Variants in WNK2 observed in about 807,000 individuals in gnomAD.
WNK2 encodes the protein serine/threonine-protein kinase WNK2.
In WNK2, 67 loss-of-function variants were observed where a neutral mutation model predicts 192.1. The observed-to-expected ratio is 0.35, with a 90% CI of 0.29 to 0.43. WNK2 has a LOEUF of 0.43. Ranked by LOEUF, WNK2 falls within the 20% of genes least tolerant of loss-of-function variation. The pLI is 1.00. For missense variants in WNK2, 2,698 were observed against 3,089.7 expected, an observed-to-expected ratio of 0.87 and a Z score of 3.01; for synonymous variants, 1,439 against 1,393.9, an observed-to-expected ratio of 1.03 and a Z score of -0.72.
At chr9:93,206,597 G>T (rs1197572576) in intron 2 of WNK2, among the ~76,000 whole-genome samples, 1 of 152,050 alleles carries the variant, frequency 6.6e-6, no homozygotes, top group Non-Finnish European at 1.5e-5. Flanking sequence ...CTGCGTGACT[G>T]GGGGAGGTGG....
intron 2 of WNK2, among the ~76,000 whole-genome samples, chr9:93,208,634 A>T: frequency 1.6e-4 from 1 of 6,268 alleles, no homozygotes; most frequent in Non-Finnish European, 4.3e-4. Flanking sequence ...CGTGTTCTCC[A>T]TGTGCACATG....
At chr9:93,271,800 GTC>G (rs1375580769) in intron 19 of WNK2, among the ~76,000 whole-genome samples, 1 of 152,248 alleles carries the variant, frequency 6.6e-6, no homozygotes, top group Non-Finnish European at 1.5e-5. Context: ...AAAGACGTAA[GTC>G]TACAGATTCT....
At chr9:93,291,454 T>C (rs981183468) in intron 21 of WNK2, among the ~76,000 whole-genome samples, 1 of 151,590 alleles carries the variant, frequency 6.6e-6, no homozygotes, top group African/African-American at 2.4e-5. Context: ...GTAGAGAGAG[T>C]GCGATTGACA....
chr9:93,240,538 C>T (rs985571345), intron 7 of WNK2, among the ~76,000 whole-genome samples: 68 of 152,176 alleles, frequency 4.5e-4, no homozygotes, highest in African/African-American at 1.4e-3. Context: ...GCAGAAGTGC[C>T]GCTTTGTGCT....
At chr9:93,225,837 C>T (rs547104344) in intron 2 of WNK2, among the ~76,000 whole-genome samples, 2 of 152,314 alleles carry the variant, frequency 1.3e-5, no homozygotes, top group Admixed American at 1.3e-4. Flanking sequence ...TAGCTGAGCA[C>T]TGCCATCTCC....
intron 28 of WNK2, among the ~76,000 whole-genome samples, chr9:93,311,619 G>GTGTGTGTGTGTC (rs1388675456): frequency 6.6e-6 from 1 of 151,280 alleles, no homozygotes; most frequent in African/African-American, 2.4e-5. Flanking sequence ...TTGTTTGTGT[G>GTGTGTGTGTGTC]TGTGTGTGTG....
In WNK2 at chr9:93,184,908, T is replaced by C; in HGVS notation, c.-2-20T>C. On this transcript the variant is annotated intron_variant, in intron 1 of 29. Transcript: ENST00000427277. Reference sequence around the variant, plus strand: ...GGCAGGGCCGGCGCTCACGCGGGCCTGTGTGTCCTTGGCCCACAGAGATGG... The same window carrying C: ...GGCAGGGCCGGCGCTCACGCGGGCCCGTGTGTCCTTGGCCCACAGAGATGG... 8.3e-7 allele frequency: 1 copy of C among 1,205,406 alleles called. No individual in the cohort carries two copies. The highest frequency in any genetic ancestry group is 1.0e-6 in the Non-Finnish European group (1 of 972,080). 74.7% of individuals were successfully genotyped at this position (1,205,406 alleles called of 1,614,324 possible).
chr9:93,298,959 G>T (rs191495672), intron 24 of WNK2, 111 bp from the exon 25 acceptor site: 12 of 1,167,284 alleles, frequency 1.0e-5, no homozygotes, highest in Non-Finnish European at 1.4e-5. Context: ...TGCAGGAGAC[G>T]TGAGCTTCCC....
chr9:93,266,806 A>G (rs1242129506), intron 16 of WNK2, among the ~76,000 whole-genome samples: 2 of 152,034 alleles, frequency 1.3e-5, no homozygotes, highest in South Asian at 4.1e-4. Flanking sequence ...TGCCCATCCT[A>G]GAAGGGATCT....
Position 93,257,162 on chromosome 9 carries a change from C to CGTCAGTGG in WNK2, c.2382+24_2382+31dup. The CGTCAGTGG allele has an allele frequency of 1.9e-6, 3 of 1,595,062 alleles. No individual in the cohort carries two copies. Among genetic ancestry groups the CGTCAGTGG allele is most frequent in the Non-Finnish European group, 2.6e-6 (3 of 1,175,774 alleles). On this transcript the variant is annotated intron_variant, in intron 11 of 29. Transcript: ENST00000427277. This position sits in a 1 kb window ranked among gnomAD's most constrained non-coding sequence, Gnocchi z 4.7. ...CAGGTAATTCTAGGTTGATGGCTGC[C>CGTCAGTGG]GTCAGTGGTGGCGCACGCTTTGCCA...
chr9:93,293,872 G>C (rs564183586), intron 23 of WNK2, among the ~76,000 whole-genome samples: 9 of 147,580 alleles, frequency 6.1e-5, no homozygotes, highest in Non-Finnish European at 1.2e-4. Context: ...TCCCTGTCTC[G>C]CTTCCCACCA....
chr9:93,221,521 A>G (rs139468518), intron 2 of WNK2, among the ~76,000 whole-genome samples: 30 of 152,324 alleles, frequency 2.0e-4, no homozygotes, highest in East Asian at 1.2e-3. Context: ...CCTTCTACAT[A>G]TGATTTACAG....
chr9:93,310,448 A>T (rs536212358), intron 28 of WNK2, among the ~76,000 whole-genome samples: 40 of 150,946 alleles, frequency 2.6e-4, no homozygotes, highest in African/African-American at 4.9e-4. Context: ...ATGGCAAAAA[A>T]ATATATATAT....
chr9:93,234,676 G>C, intron 4 of WNK2, 132 bp from the exon 5 acceptor site: 1 of 1,076,762 alleles, frequency 9.3e-7, no homozygotes. Context: ...CTGGGGTCCA[G>C]GTGTTCTGAG....
intron 2 of WNK2, among the ~76,000 whole-genome samples, chr9:93,218,152 C>T (rs1440865668): frequency 1.3e-5 from 2 of 152,068 alleles, no homozygotes; most frequent in Admixed American, 6.5e-5. Flanking sequence ...GCAGGGCAGC[C>T]GCAGGAAGAC....
At chr9:93,297,716 G>A (rs1319084344) in intron 23 of WNK2, 137 bp from the exon 24 acceptor site, 3 of 815,522 alleles carry the variant, frequency 3.7e-6, no homozygotes, top group Non-Finnish European at 5.7e-6. Flanking sequence ...CCGCTTTAGA[G>A]TGGCCCAGGC....
At chr9:93,249,274 A>G (rs1409216644) in intron 8 of WNK2, among the ~76,000 whole-genome samples, 3 of 152,170 alleles carry the variant, frequency 2.0e-5, no homozygotes, top group Non-Finnish European at 4.4e-5. Flanking sequence ...TAGTTTGAGG[A>G]TATTTCTATA....
chr9:93,208,749 G>GTGTTGTCTGCA (rs1833914645), intron 2 of WNK2, among the ~76,000 whole-genome samples: 144 of 20,944 alleles, frequency 6.9e-3, no homozygotes, highest in Middle Eastern at 0.017. Context: ...GTGTTCATGT[G>GTGTTGTCTGCA]TGTGCGCATG....
Position 93,263,663 on chromosome 9 carries a change from C to T in WNK2, c.3508C>T (p.His1170Tyr). ...GCTGGAGGGCAGGGCAGCCCGAAAA[C>T]ACCACCGCAGGTCCACGCGTGCGCG... Reference protein sequence around the residue: ...GRLEGRAARKHHRRSTRARSR... With the variant: ...GRLEGRAARKYHRRSTRARSR... Residue 1170 changes from histidine (H) to tyrosine (Y), a missense_variant, in exon 15 of 30, where the codon CAC becomes TAC. Coordinates refer to ENST00000427277, the MANE Select transcript of WNK2 (RefSeq NM_006648.4). 1 of 1,596,260 alleles carries T rather than the reference C, an allele frequency of 6.3e-7. No homozygotes were observed. The highest frequency in any genetic ancestry group is 8.5e-7 in the Non-Finnish European group (1 of 1,174,922).
Sources: gnomAD v4.1 joint callset for allele counts (sites outside exome capture counted in the v4.1 genomes callset) on GRCh38, gnomAD v4.1.1 for gene constraint, Gnocchi (gnomAD v3.1) non-coding constraint, MANE v1.5 for transcripts, NCBI Gene and HGNC (gene_info 2026-07-23, HGNC 2026-07-21) for gene names.